The following CCDC7 variants were observed in gnomAD, a reference collection of about 807,000 sequenced individuals.
CCDC7 encodes coiled-coil domain-containing protein 7.
A neutral mutation model predicts 196.9 loss-of-function variants in CCDC7; 183 were observed. The ratio of observed to expected loss-of-function variants is 0.93; its 90% CI spans 0.82 to 1.05. The LOEUF (loss-of-function observed/expected upper bound fraction) is 1.05. Among genes scored for constraint, CCDC7 ranks in the 50% least tolerant of loss-of-function variants. The pLI is 0.00. For synonymous variants in CCDC7, 525 were observed against 484.6 expected, an observed-to-expected ratio of 1.08 and a Z score of -1.10; for missense variants, 1,540 against 1,482.2, an observed-to-expected ratio of 1.04 and a Z score of -0.64.
chr10:32,704,982 C>T (rs1369834521), intron 24 of CCDC7, among the ~76,000 whole-genome samples: 3 of 152,104 alleles, frequency 2.0e-5, no homozygotes, highest in Non-Finnish European at 4.4e-5. Flanking sequence ...ATGCCTCGCC[C>T]TGCTTCGGGT....
At chr10:32,864,822 A>G (rs1359822280) in intron 41 of CCDC7, among the ~76,000 whole-genome samples, 1 of 151,950 alleles carries the variant, frequency 6.6e-6, no homozygotes, top group Admixed American at 6.6e-5. Flanking sequence ...ATGGGAAAAG[A>G]GGTAAAAAAT....
At chr10:32,668,918 G>T (rs897020548) in intron 21 of CCDC7, among the ~76,000 whole-genome samples, 1 of 151,974 alleles carries the variant, frequency 6.6e-6, no homozygotes. Context: ...TTTGCCTGGG[G>T]CTGCCAGTGT....
At chr10:32,769,167 C>T (rs971215627) in intron 28 of CCDC7, among the ~76,000 whole-genome samples, 1 of 151,956 alleles carries the variant, frequency 6.6e-6, no homozygotes, top group Admixed American at 6.6e-5. Flanking sequence ...ATTTTTATTA[C>T]TAGTTCAATC....
At chr10:32,733,028 G>A (rs1477429957) in intron 28 of CCDC7, among the ~76,000 whole-genome samples, 1 of 151,848 alleles carries the variant, frequency 6.6e-6, no homozygotes, top group South Asian at 2.1e-4. Flanking sequence ...GATATTTTGT[G>A]GGTTAATATA....
At chr10:32,471,176 A>C in exon 6 of CCDC7, 1 of 1,612,674 alleles carries the variant, frequency 6.2e-7, no homozygotes, top group Non-Finnish European at 8.5e-7. Context: ...GAACTGAAGA[A>C]TCGCCTTAAA....
chr10:32,744,290 A>C (rs1408204869), intron 28 of CCDC7, among the ~76,000 whole-genome samples: 1 of 152,160 alleles, frequency 6.6e-6, no homozygotes, highest in Non-Finnish European at 1.5e-5. Context: ...TGCCAGATTA[A>C]ATGTAGAGAG....
At chr10:32,853,815 T>C (rs574985313) in intron 40 of CCDC7, among the ~76,000 whole-genome samples, 1 of 152,344 alleles carries the variant, frequency 6.6e-6, no homozygotes, top group African/African-American at 2.4e-5. Context: ...CATTTTTTAC[T>C]GTCCTGCAAA....
At chr10:32,662,310 C>A (rs1287120792) in intron 20 of CCDC7, among the ~76,000 whole-genome samples, 1 of 152,130 alleles carries the variant, frequency 6.6e-6, no homozygotes, top group Non-Finnish European at 1.5e-5. Flanking sequence ...AAGTTAAAAC[C>A]AGATACTGTG....
chr10:32,500,265 G>A (rs1794407526), intron 9 of CCDC7, among the ~76,000 whole-genome samples: 1 of 151,680 alleles, frequency 6.6e-6, no homozygotes, highest in South Asian at 2.1e-4. Context: ...CGGCTGCCCG[G>A]TGGAGACGCT....
intron 28 of CCDC7, among the ~76,000 whole-genome samples, chr10:32,764,707 T>C (rs1333165358): frequency 1.3e-5 from 2 of 151,992 alleles, no homozygotes; most frequent in African/African-American, 4.8e-5. Flanking sequence ...TCACCACAAC[T>C]GTGAGAAATG....
chr10:32,826,057 C>G (rs1231028461), intron 32 of CCDC7, among the ~76,000 whole-genome samples: 3 of 152,184 alleles, frequency 2.0e-5, no homozygotes, highest in African/African-American at 7.2e-5. Context: ...GAGATAAACT[C>G]TGTGCTGCCT....
intron 25 of CCDC7, among the ~76,000 whole-genome samples, chr10:32,722,359 G>A (rs1485758347): frequency 1.3e-5 from 2 of 152,116 alleles, no homozygotes; most frequent in African/African-American, 2.4e-5. Context: ...TGTTACAGCA[G>A]CGATCTACTT....
At chr10:32,639,257 A>G (rs1307916031) in intron 20 of CCDC7, among the ~76,000 whole-genome samples, 1 of 151,728 alleles carries the variant, frequency 6.6e-6, no homozygotes, top group South Asian at 2.1e-4. Flanking sequence ...GATCTTAGTT[A>G]TTTCTTGCCT....
chr10:32,689,105 G>A, exon 23 of CCDC7: 2 of 1,608,754 alleles, frequency 1.2e-6, no homozygotes, highest in Non-Finnish European at 1.7e-6. Flanking sequence ...AAGACTCAAT[G>A]TCAAAATCAG....
At chr10:32,459,578 A>T (rs1301975612) in intron 3 of CCDC7, among the ~76,000 whole-genome samples, 1 of 149,210 alleles carries the variant, frequency 6.7e-6, no homozygotes, top group Non-Finnish European at 1.5e-5. Context: ...TGGTTGCTTT[A>T]AATCTTTAAC....
At chr10:32,795,703 A>T (rs888146227) in intron 29 of CCDC7, among the ~76,000 whole-genome samples, 1 of 152,052 alleles carries the variant, frequency 6.6e-6, no homozygotes, top group African/African-American at 2.4e-5. Context: ...GTTTTATTAG[A>T]TACATTTGCT....
chr10:32,849,677 T>G (rs907734013), intron 39 of CCDC7, among the ~76,000 whole-genome samples: 68 of 123,974 alleles, frequency 5.5e-4, no homozygotes, highest in African/African-American at 2.1e-3. Flanking sequence ...CACTCCAGCA[T>G]GGCGAAAGAG....
intron 20 of CCDC7, among the ~76,000 whole-genome samples, chr10:32,653,933 C>T (rs995013074): frequency 6.6e-6 from 1 of 152,094 alleles, no homozygotes; most frequent in Non-Finnish European, 1.5e-5. Flanking sequence ...CTCTTTTCTT[C>T]TTCTGGAATG....
intron 41 of CCDC7, among the ~76,000 whole-genome samples, chr10:32,861,995 G>A (rs1394753555): frequency 2.0e-5 from 3 of 152,132 alleles, no homozygotes; most frequent in African/African-American, 7.2e-5. Flanking sequence ...AAACATTGTG[G>A]AAGACACTGT....
Sources: gnomAD v4.1 joint callset for allele counts (sites outside exome capture counted in the v4.1 genomes callset) on GRCh38, gnomAD v4.1.1 for gene constraint, MANE v1.5 for transcripts, NCBI Gene and HGNC (gene_info 2026-07-23, HGNC 2026-07-21) for gene names.